The following ADGRB3 variants were observed in gnomAD, a reference collection of about 807,000 sequenced individuals.
The protein encoded by ADGRB3 is brain-specific angiogenesis inhibitor 3.
Under a neutral mutation model 193.4 loss-of-function variants are expected in ADGRB3, and 37 were observed. The observed-to-expected ratio is 0.19, with a 90% CI of 0.15 to 0.25. The LOEUF (loss-of-function observed/expected upper bound fraction) is 0.25, where lower values mean the gene tolerates loss of function less well. Among genes scored for constraint, ADGRB3 ranks in the 10% least tolerant of loss-of-function variants. The probability of loss-of-function intolerance (pLI) is 1.00; values close to 1 mark genes in which losing one functional copy is unlikely to be tolerated. For synonymous variants in ADGRB3, 690 were observed against 644.2 expected, an observed-to-expected ratio of 1.07 and a Z score of -1.08; for missense variants, 1,637 against 1,852.9, an observed-to-expected ratio of 0.88 and a Z score of 2.14.
chr6:68,974,483 A>G (rs1679455384), intron 8 of ADGRB3, among the ~76,000 whole-genome samples: 1 of 152,058 alleles, frequency 6.6e-6, no homozygotes, highest in South Asian at 2.1e-4. Context: ...AAAACAAAAA[A>G]TCGGCCAGAT....
chr6:69,128,912 C>T (rs1373969392), intron 17 of ADGRB3, among the ~76,000 whole-genome samples: 3 of 152,144 alleles, frequency 2.0e-5, no homozygotes, highest in Admixed American at 6.5e-5. Context: ...GCAGAATTAG[C>T]ACTGAGACAA....
At chr6:68,712,411 C>A (rs1765421617) in intron 3 of ADGRB3, among the ~76,000 whole-genome samples, 1 of 152,094 alleles carries the variant, frequency 6.6e-6, no homozygotes, top group Admixed American at 6.6e-5. Flanking sequence ...CACTAGAATG[C>A]AAATGTGAAT....
At chr6:69,352,526 G>A (rs911036166) in intron 26 of ADGRB3, among the ~76,000 whole-genome samples, 1 of 152,200 alleles carries the variant, frequency 6.6e-6, no homozygotes, top group African/African-American at 2.4e-5. Context: ...AGAACACTGA[G>A]TCTATCCCCA....
At chr6:69,373,277 A>G (rs894058676) in intron 30 of ADGRB3, among the ~76,000 whole-genome samples, 1 of 152,036 alleles carries the variant, frequency 6.6e-6, no homozygotes, top group Non-Finnish European at 1.5e-5. Context: ...CTAAAATTAC[A>G]GAAGCCTCCC....
At chr6:68,852,345 G>A (rs1356250253) in intron 3 of ADGRB3, among the ~76,000 whole-genome samples, 1 of 151,788 alleles carries the variant, frequency 6.6e-6, no homozygotes, top group African/African-American at 2.4e-5. Flanking sequence ...TGTTTAAATT[G>A]CTAAATTAGC....
chr6:68,951,182 A>T (rs1019478893), intron 6 of ADGRB3, among the ~76,000 whole-genome samples: 17 of 152,060 alleles, frequency 1.1e-4, no homozygotes, highest in African/African-American at 3.9e-4. Flanking sequence ...TCTGGATTTT[A>T]AAAAAAATAT....
chr6:69,311,280 A>C (rs1768185664), intron 20 of ADGRB3, among the ~76,000 whole-genome samples: 1 of 151,774 alleles, frequency 6.6e-6, no homozygotes, highest in South Asian at 2.1e-4. Context: ...GGGATGGTGC[A>C]TTCAAAGAAG....
At chr6:69,171,922 C>A (rs779038348) in intron 17 of ADGRB3, among the ~76,000 whole-genome samples, 3 of 152,160 alleles carry the variant, frequency 2.0e-5, no homozygotes, top group African/African-American at 4.8e-5. Context: ...TCCCAGCCTC[C>A]TTTGCAGTAA....
intron 3 of ADGRB3, among the ~76,000 whole-genome samples, chr6:68,792,748 A>T (rs899492887): frequency 1.3e-5 from 2 of 152,182 alleles, no homozygotes; most frequent in Non-Finnish European, 2.9e-5. Context: ...GGGCAGAAAC[A>T]AGGATACCCT....
chr6:69,284,324 C>A (rs1341155979), intron 20 of ADGRB3, among the ~76,000 whole-genome samples: 1 of 152,128 alleles, frequency 6.6e-6, no homozygotes, highest in Admixed American at 6.6e-5. Flanking sequence ...CATTTGTAGT[C>A]CAGGCTTCCT....
rs190811715 is a variant in ADGRB3, at chr6:69,341,232, A to G, written c.3459+1728A>G. On this transcript the variant is annotated intron_variant, in intron 26 of 31. Coordinates refer to ENST00000370598, the MANE Select transcript of ADGRB3 (RefSeq NM_001704.3). ...GTTGAGCTAATTTACACTCCCACCA[A>G]CAGTGTAAAAGCCTTTTTATTTCTC... 3.9e-5 allele frequency among the ~76,000 whole-genome samples: 6 copies of G among 152,322 alleles called. No individual in the cohort carries two copies. The East Asian group carries it at 1.2e-3, about 29-fold the overall frequency.
At chr6:68,796,459 C>T (rs1473076069) in intron 3 of ADGRB3, among the ~76,000 whole-genome samples, 3 of 152,154 alleles carry the variant, frequency 2.0e-5, no homozygotes, top group Non-Finnish European at 2.9e-5. Flanking sequence ...GAGATATTCA[C>T]ATTTTATGCC....
chr6:68,919,477 A>C (rs985455564), intron 3 of ADGRB3, among the ~76,000 whole-genome samples: 2 of 152,146 alleles, frequency 1.3e-5, no homozygotes, highest in Non-Finnish European at 2.9e-5. Flanking sequence ...TGAGAGGGTG[A>C]CAGTTATTTG....
At chr6:68,934,900 A>G (rs1438412551) in intron 4 of ADGRB3, among the ~76,000 whole-genome samples, 1 of 152,160 alleles carries the variant, frequency 6.6e-6, no homozygotes, top group Non-Finnish European at 1.5e-5. Flanking sequence ...TGAAGAAAAA[A>G]ATTCTGAATT....
chr6:68,693,660 A>C (rs953217199), intron 3 of ADGRB3, among the ~76,000 whole-genome samples: 1 of 151,906 alleles, frequency 6.6e-6, no homozygotes, highest in Non-Finnish European at 1.5e-5. Context: ...TGTAATTCCA[A>C]CTCTGGGTTT....
At chr6:69,028,105 A>G (rs1421685950) in intron 13 of ADGRB3, among the ~76,000 whole-genome samples, 1 of 152,170 alleles carries the variant, frequency 6.6e-6, no homozygotes, top group Non-Finnish European at 1.5e-5. Flanking sequence ...TCATCATCCC[A>G]CCATACAAAT....
intron 23 of ADGRB3, chr6:69,332,336 T>C (rs1283142615): frequency 1.0e-6 from 1 of 985,296 alleles, no homozygotes; most frequent in Non-Finnish European, 1.2e-6. Flanking sequence ...TTGGCACTAG[T>C]GTCCATTGTG....
chr6:69,383,087 C>G (rs1395101278), intron 31 of ADGRB3, 152 bp downstream of exon 31: 1 of 446,726 alleles, frequency 2.2e-6, no homozygotes. Flanking sequence ...GAAAGTCTAC[C>G]AAGACAAATT....
chr6:68,948,586 G>T (rs1177104483), intron 6 of ADGRB3, among the ~76,000 whole-genome samples: 1 of 152,024 alleles, frequency 6.6e-6, no homozygotes, highest in African/African-American at 2.4e-5. Flanking sequence ...GAAGTTTTAT[G>T]CTAATTTTCT....
Sources: allele counts gnomAD v4.1 joint callset (sites outside exome capture counted in the v4.1 genomes callset), GRCh38; gene constraint gnomAD v4.1.1; transcripts MANE v1.5; gene names NCBI Gene and HGNC (gene_info 2026-07-23, HGNC 2026-07-21).